COL19A1: variants seen among roughly 807,000 people sequenced by gnomAD.
COL19A1 encodes the protein collagen alpha-1(XIX) chain.
COL19A1 carries 159 observed loss-of-function variants against 190.2 expected under a neutral mutation model. The ratio of observed to expected loss-of-function variants is 0.84; its 90% confidence interval spans 0.73 to 0.95. The LOEUF is 0.95. Ranked by LOEUF, COL19A1 falls within the 40% of genes least tolerant of loss-of-function variation. The pLI, the probability that COL19A1 is intolerant of heterozygous loss-of-function variation, is 0.00. For synonymous variants in COL19A1, 509 were observed against 458.9 expected (o/e 1.11, Z -1.39); for missense variants, 1,418 against 1,431.9 (o/e 0.99, Z 0.16).
intron 1 of COL19A1, among the ~76,000 whole-genome samples, chr6:69,868,337 T>G (rs1363699346): frequency 6.6e-6 from 1 of 152,072 alleles, no homozygotes; most frequent in East Asian, 1.9e-4. Context: ...GCTGAGATAT[T>G]TAGGTATTCC....
At chr6:70,153,134 G>T (rs1196657954) in intron 31 of COL19A1, among the ~76,000 whole-genome samples, 1 of 152,094 alleles carries the variant, frequency 6.6e-6, no homozygotes, top group Non-Finnish European at 1.5e-5. Context: ...GAGGTATGTA[G>T]TTCCCCGAAC....
At chr6:70,117,718 T>C (rs1220655503) in intron 16 of COL19A1, among the ~76,000 whole-genome samples, 2 of 152,202 alleles carry the variant, frequency 1.3e-5, no homozygotes, top group Non-Finnish European at 1.5e-5. Flanking sequence ...TGCTCTGTAA[T>C]TGTATACTCA....
In COL19A1 at chr6:70,156,682, G is replaced by A. The variant is rs144357283; in HGVS notation, c.2251G>A (p.Glu751Lys). Residue 751 changes from glutamate to lysine, a missense_variant, in exon 34 of 51, where the codon GAG (glutamate) becomes AAG (lysine). Physicochemically the swap from Glu to Lys is moderately conservative, Grantham distance 56. Coordinates refer to ENST00000620364, the MANE Select transcript of COL19A1 (RefSeq NM_001858.6). Reference protein sequence around the residue: ...GREGPKGSKGERGYPGIPGEK... With the variant: ...GREGPKGSKGKRGYPGIPGEK... ...ATTGTCTTTTTAGGGAAGCAAAGGA[G>A]AGCGGGGCTACCCTGGGATACCTGG... is the stretch of plus-strand genomic sequence containing the variant. The A allele has an allele frequency of 2.2e-5, 35 of 1,611,786 alleles. No individual in the cohort carries two copies. Among genetic ancestry groups the A allele is most frequent in the Non-Finnish European group, 2.8e-5 (33 of 1,178,684 alleles).
chr6:70,086,737 G>A (rs777410408), intron 15 of COL19A1, among the ~76,000 whole-genome samples: 3 of 152,146 alleles, frequency 2.0e-5, no homozygotes, highest in Non-Finnish European at 2.9e-5. Flanking sequence ...TTTTGATGTC[G>A]ATGCTCATCT....
At chr6:70,156,638 G>T in intron 33 of COL19A1, 32 bp from the exon 34 acceptor site, 3 of 1,605,640 alleles carry the variant, frequency 1.9e-6, no homozygotes, top group Non-Finnish European at 2.6e-6. Flanking sequence ...AAAAATGATT[G>T]CATGTGCTAG....
chr6:70,122,014 T>C, intron 17 of COL19A1, 72 bp downstream of exon 17: 2 of 949,044 alleles, frequency 2.1e-6, no homozygotes, highest in South Asian at 1.7e-5. Flanking sequence ...AAAAAAAACT[T>C]ATTAATTCCT....
chr6:70,085,525 AT>A (rs1361497483), intron 15 of COL19A1, among the ~76,000 whole-genome samples: 1 of 152,148 alleles, frequency 6.6e-6, no homozygotes, highest in East Asian at 1.9e-4. Context: ...ACAGTTTTGA[AT>A]TTTTTTCTCT....
At chr6:70,201,542 G>GT (rs1767556490) in intron 49 of COL19A1, among the ~76,000 whole-genome samples, 1 of 152,152 alleles carries the variant, frequency 6.6e-6, no homozygotes, top group Non-Finnish European at 1.5e-5. Flanking sequence ...ATGATTTCCA[G>GT]TTTTTTTGTG....
chr6:70,088,128 C>T (rs926100992), intron 15 of COL19A1, among the ~76,000 whole-genome samples: 8 of 152,086 alleles, frequency 5.3e-5, no homozygotes, highest in Non-Finnish European at 1.2e-4. Flanking sequence ...TCCGTGGCAG[C>T]TACCATACCT....
At position 70,088,111 on chromosome 6, in the gene COL19A1, A is replaced by G. The variant is rs1782687881; in HGVS notation, c.1225-14058A>G. On this transcript the variant is annotated intron_variant, in intron 15 of 50. Coordinates refer to ENST00000620364, the MANE Select transcript of COL19A1 (RefSeq NM_001858.6). Reference sequence around the variant, plus strand: ...AAGAATGGGTAGACCTTTCACAGAGAGTTCATTCCGTGGCAGCTACCATAC... The same window carrying G: ...AAGAATGGGTAGACCTTTCACAGAGGGTTCATTCCGTGGCAGCTACCATAC... 2.6e-5 allele frequency among the ~76,000 whole-genome samples: 4 copies of G among 152,150 alleles called. No homozygotes were observed. The South Asian group carries it at 8.3e-4, about 31-fold the overall frequency.
chr6:70,157,483 T>C (rs1004148466), intron 34 of COL19A1, among the ~76,000 whole-genome samples: 3 of 152,136 alleles, frequency 2.0e-5, no homozygotes, highest in Admixed American at 2.0e-4. Context: ...TGGCATATAT[T>C]AACCTTGATG....
intron 14 of COL19A1, among the ~76,000 whole-genome samples, chr6:70,060,201 G>A (rs1350362555): frequency 6.6e-6 from 1 of 152,184 alleles, no homozygotes; most frequent in African/African-American, 2.4e-5. Flanking sequence ...TGGTAATTAA[G>A]TCCAAGTTTT....
intron 11 of COL19A1, among the ~76,000 whole-genome samples, chr6:69,986,632 A>G (rs539853950): frequency 7.2e-5 from 11 of 152,296 alleles, no homozygotes; most frequent in Admixed American, 5.9e-4. Context: ...GTGAAGCCCT[A>G]TCTAGAACGA....
At chr6:70,083,380 T>A (rs747046484) in intron 15 of COL19A1, among the ~76,000 whole-genome samples, 1 of 152,178 alleles carries the variant, frequency 6.6e-6, no homozygotes, top group Non-Finnish European at 1.5e-5. Context: ...TTTTAAGGCA[T>A]AATTTTTTGT....
chr6:69,896,571 A>G (rs1001718921), intron 2 of COL19A1, among the ~76,000 whole-genome samples: 7 of 142,296 alleles, frequency 4.9e-5, no homozygotes, highest in Non-Finnish European at 7.7e-5. Context: ...AAAAAAAAAA[A>G]TACTGCCAAA....
intron 11 of COL19A1, among the ~76,000 whole-genome samples, chr6:70,016,778 C>A (rs1193657815): frequency 6.6e-6 from 1 of 151,818 alleles, no homozygotes; most frequent in African/African-American, 2.4e-5. Context: ...AGGAAATGAT[C>A]ATTAATCATT....
intron 4 of COL19A1, among the ~76,000 whole-genome samples, chr6:69,922,430 C>T (rs549985498): frequency 6.8e-6 from 1 of 148,040 alleles, no homozygotes; most frequent in Non-Finnish European, 1.5e-5. Context: ...AAAATATTTT[C>T]AGCTTTTGAA....
intron 12 of COL19A1, among the ~76,000 whole-genome samples, 172 bp from the exon 13 acceptor site, chr6:70,034,073 C>T (rs566292207): frequency 6.6e-6 from 1 of 152,248 alleles, no homozygotes; most frequent in South Asian, 2.1e-4. Flanking sequence ...GTGCCCACCA[C>T]GGCACAGATG....
Position 70,062,799 on chromosome 6 carries a change from A to G in COL19A1, c.1171-5624A>G, listed in dbSNP as rs201063301. On this transcript the variant is annotated intron_variant, in intron 14 of 50. Transcript: ENST00000620364. ...GGATGGAGGAAGATCTACCAAGCAAATGGAAAACAAAAAAAGGCAGGGGTT... is the reference window on the plus strand; with the variant it reads ...GGATGGAGGAAGATCTACCAAGCAAGTGGAAAACAAAAAAAGGCAGGGGTT... 1.1e-4 allele frequency among the ~76,000 whole-genome samples: 16 copies of G among 152,272 alleles called. No individual in the cohort carries two copies. In the East Asian group the frequency reaches 3.1e-3, roughly 29 times the overall value.
Sources: gnomAD v4.1 joint callset for allele counts (sites outside exome capture counted in the v4.1 genomes callset) on GRCh38, gnomAD v4.1.1 for gene constraint, MANE v1.5 for transcripts, NCBI Gene and HGNC (gene_info 2026-07-23, HGNC 2026-07-21) for gene names.